Variants in SAXO1 observed in about 807,000 individuals in gnomAD.
SAXO1 encodes stabilizer of axonemal microtubules 1, also known as 4930500O09Rik.
SAXO1 carries 21 observed loss-of-function variants against 17.5 expected under a neutral mutation model. That is an observed-to-expected ratio of 1.20 (90% CI 0.85 to 1.72). The LOEUF is 1.72. SAXO1 is among the 40% of genes most tolerant of loss of function. The pLI, the probability that SAXO1 is intolerant of heterozygous loss-of-function variation, is 0.00. For missense variants in SAXO1, 843 were observed against 596.0 expected, an observed-to-expected ratio of 1.41 and a Z score of -4.32; for synonymous variants, 274 against 216.5, an observed-to-expected ratio of 1.27 and a Z score of -2.33.
At chr9:19,000,322 G>A (rs1331433178) in intron 1 of SAXO1, among the ~76,000 whole-genome samples, 1 of 149,030 alleles carries the variant, frequency 6.7e-6, no homozygotes, top group Non-Finnish European at 1.5e-5. Context: ...GAGCGCCTCT[G>A]CCCAGCCACC....
Position 18,983,376 on chromosome 9 carries a change from C to T in SAXO1, c.39-32439G>A, listed in dbSNP as rs191376069. Reference sequence around the variant, plus strand: ...ATGAGAACAGCATGGGGGAAACCACCCCATGATCCAATTACCTCCTGCCAG... The same window carrying T: ...ATGAGAACAGCATGGGGGAAACCACTCCATGATCCAATTACCTCCTGCCAG... On this transcript the variant is annotated intron_variant, in intron 1 of 3. Transcript: ENST00000380534. Among the ~76,000 whole-genome samples, 9 of 152,258 alleles carry T rather than the reference C, an allele frequency of 5.9e-5. No homozygotes were observed. The East Asian group carries it at 9.7e-4, about 16-fold the overall frequency.
chr9:19,024,479 ATATACC>A (rs1188086297), intron 1 of SAXO1, among the ~76,000 whole-genome samples: 2 of 152,080 alleles, frequency 1.3e-5, no homozygotes, highest in Non-Finnish European at 2.9e-5. Flanking sequence ...GCATTAGGAG[ATATACC>A]TAATGCTAAA....
In SAXO1 at chr9:18,928,025, T is replaced by C. The variant is rs751888862; in HGVS notation, c.*27A>G. On this transcript the variant is annotated 3_prime_UTR_variant, in exon 4 of 4. Coordinates refer to ENST00000380534, the MANE Select transcript of SAXO1 (RefSeq NM_153707.4). ...GTTGTCTGCTTTTAAAAGTACTGTG[T>C]AATTTCTAAATTACTATTTTTCAAA... 3 of 1,533,174 alleles carry C rather than the reference T, an allele frequency of 2.0e-6. No individual in the cohort carries two copies. Among genetic ancestry groups the C allele is most frequent in the Non-Finnish European group, 2.6e-6 (3 of 1,137,446 alleles). The allele number at this position is 1,533,174 out of a possible 1,614,324, so 95.0% of individuals were successfully genotyped here.
intron 1 of SAXO1, among the ~76,000 whole-genome samples, chr9:19,044,156 G>A (rs896488551): frequency 4.0e-5 from 6 of 151,626 alleles, no homozygotes; most frequent in African/African-American, 1.5e-4. Context: ...AAAAACAATT[G>A]GATTGTTTGC....
chr9:18,992,972 A>G (rs6475305), intron 1 of SAXO1, among the ~76,000 whole-genome samples: 88,953 of 151,358 alleles, frequency 0.59, 26,259 homozygotes, highest in Non-Finnish European at 0.64. Context: ...AGGTAATTTT[A>G]TATTTTTAGT....
intron 1 of SAXO1, among the ~76,000 whole-genome samples, chr9:18,985,227 A>C (rs938128342): frequency 6.6e-6 from 1 of 152,128 alleles, no homozygotes; most frequent in Admixed American, 6.5e-5. Flanking sequence ...TGGCACCCTA[A>C]AAGAATTTAA....
intron 3 of SAXO1, among the ~76,000 whole-genome samples, chr9:18,938,456 G>A (rs1261452781): frequency 1.3e-5 from 2 of 152,024 alleles, no homozygotes; most frequent in African/African-American, 4.8e-5. Flanking sequence ...GCGCGAGTCG[G>A]GAGGTGGGGA....
At chr9:18,992,479 C>T (rs1485362761) in intron 1 of SAXO1, among the ~76,000 whole-genome samples, 1 of 152,214 alleles carries the variant, frequency 6.6e-6, no homozygotes, top group African/African-American at 2.4e-5. Context: ...ACCTCAACTA[C>T]CTCTGTAAAG....
At chr9:19,008,165 G>T (rs1425561526) in intron 1 of SAXO1, among the ~76,000 whole-genome samples, 1 of 151,948 alleles carries the variant, frequency 6.6e-6, no homozygotes, top group Non-Finnish European at 1.5e-5. Flanking sequence ...AGTAGAGAGG[G>T]GGTTTCACCA....
At chr9:19,021,651 G>C (rs1349955676) in intron 1 of SAXO1, among the ~76,000 whole-genome samples, 1 of 152,200 alleles carries the variant, frequency 6.6e-6, no homozygotes, top group Non-Finnish European at 1.5e-5. Context: ...TTAAATCCAG[G>C]ACTGCAATCC....
intron 1 of SAXO1, 133 bp from the exon 2 acceptor site, chr9:18,951,070 G>C: frequency 1.1e-6 from 1 of 926,886 alleles, no homozygotes; most frequent in Non-Finnish European, 1.6e-6. Flanking sequence ...AGAATTCAAC[G>C]GTTACTTTTT....
intron 1 of SAXO1, among the ~76,000 whole-genome samples, chr9:18,995,785 GTT>G (rs1328315561): frequency 6.6e-6 from 1 of 152,104 alleles, no homozygotes; most frequent in African/African-American, 2.4e-5. Context: ...CTTTCCAAAA[GTT>G]TTATTATATA....
At chr9:18,989,786 T>C (rs1046196270) in intron 1 of SAXO1, among the ~76,000 whole-genome samples, 2 of 152,228 alleles carry the variant, frequency 1.3e-5, no homozygotes, top group Non-Finnish European at 2.9e-5. Context: ...CAGCTTTTCA[T>C]GGTGTACAAC....
At chr9:19,010,695 A>C (rs1399463609) in intron 1 of SAXO1, among the ~76,000 whole-genome samples, 1 of 152,218 alleles carries the variant, frequency 6.6e-6, no homozygotes, top group Non-Finnish European at 1.5e-5. Flanking sequence ...AAACGGGTTA[A>C]AAAAGACAAT....
At chr9:18,973,183 T>C (rs530931444) in intron 1 of SAXO1, among the ~76,000 whole-genome samples, 72 of 152,234 alleles carry the variant, frequency 4.7e-4, no homozygotes, top group Non-Finnish European at 5.6e-4. Context: ...TTTTTATTTA[T>C]TGTCAGTGTT....
At chr9:18,939,590 G>T (rs1831460906) in intron 3 of SAXO1, among the ~76,000 whole-genome samples, 1 of 152,178 alleles carries the variant, frequency 6.6e-6, no homozygotes, top group African/African-American at 2.4e-5. Context: ...CTATATAGAA[G>T]GCATCACATG....
chr9:18,980,552 A>C (rs1043660046), intron 1 of SAXO1, among the ~76,000 whole-genome samples: 2 of 131,514 alleles, frequency 1.5e-5, no homozygotes, highest in Non-Finnish European at 3.2e-5. Flanking sequence ...GAGGGAGGGA[A>C]GAGGAAGAAG....
chr9:18,963,337 G>A (rs1292391811), intron 1 of SAXO1, among the ~76,000 whole-genome samples: 1 of 151,778 alleles, frequency 6.6e-6, no homozygotes, highest in Admixed American at 6.6e-5. Flanking sequence ...CTAATTCTGT[G>A]AAGAAAGTTA....
chr9:18,954,078 C>G (rs1832144271), intron 1 of SAXO1, among the ~76,000 whole-genome samples: 2 of 152,154 alleles, frequency 1.3e-5, no homozygotes, highest in African/African-American at 4.8e-5. Context: ...CATCCACAGA[C>G]ATACCCAGAT....
Sources: gnomAD v4.1 joint callset for allele counts (sites outside exome capture counted in the v4.1 genomes callset) on GRCh38, gnomAD v4.1.1 for gene constraint, MANE v1.5 for transcripts, NCBI Gene and HGNC (gene_info 2026-07-23, HGNC 2026-07-21) for gene names.